The following CREBBP variants were observed in gnomAD, a reference collection of about 807,000 sequenced individuals.
CREBBP encodes the protein CREB-binding protein.
In CREBBP, 19 loss-of-function variants were observed where a neutral mutation model predicts 265.0. The observed-to-expected ratio is 0.07, with a 90% CI of 0.05 to 0.11. CREBBP has a LOEUF of 0.11. Ranked by LOEUF, CREBBP falls within the 10% of genes least tolerant of loss-of-function variation. The probability of loss-of-function intolerance (pLI) is 1.00; values close to 1 mark genes in which losing one functional copy is unlikely to be tolerated. For synonymous variants in CREBBP, 1,457 were observed against 1,223.7 expected, an observed-to-expected ratio of 1.19 and a Z score of -3.98; for missense variants, 2,525 against 3,219.0, an observed-to-expected ratio of 0.78 and a Z score of 5.22.
intron 1 of CREBBP, among the ~76,000 whole-genome samples, chr16:3,870,570 G>T (rs531642061): frequency 1.3e-5 from 2 of 152,158 alleles, no homozygotes; most frequent in South Asian, 4.1e-4. Flanking sequence ...TGAGTCAAAC[G>T]ATTACCCATT....
chr16:3,794,308 G>A (rs1488693538), intron 3 of CREBBP, among the ~76,000 whole-genome samples: 1 of 118,490 alleles, frequency 8.4e-6, no homozygotes, highest in Non-Finnish European at 1.6e-5. Context: ...CTCCAGCCTG[G>A]GCGACAGATC....
chr16:3,758,098 A>G, intron 17 of CREBBP, 50 bp from the exon 18 acceptor site: 2 of 1,603,834 alleles, frequency 1.2e-6, no homozygotes, highest in Non-Finnish European at 1.7e-6. Context: ...CAATATCCAA[A>G]TGCCAGTCTC....
rs1166685672 is a variant in CREBBP at position 3,726,197 on chromosome 16, G to A, written c.*1521C>T. The A allele has an allele frequency of 8.7e-6, 2 of 228,750 alleles. No homozygotes were observed. Among genetic ancestry groups the A allele is most frequent in the African/African-American group, 4.5e-5 (2 of 44,800 alleles). The allele number at this position is 228,750 out of a possible 1,614,324, so 14.2% of individuals were successfully genotyped here. On this transcript the variant is annotated 3_prime_UTR_variant, in exon 31 of 31. Coordinates refer to ENST00000262367, the MANE Select transcript of CREBBP (RefSeq NM_004380.3). ...GGGGGGAAGTCAGAAAGCACCTCGC[G>A]AGCCTGGAGCACTCTCTGCCTCAGA...
intron 2 of CREBBP, among the ~76,000 whole-genome samples, chr16:3,832,823 A>T (rs1026054594): frequency 1.3e-5 from 2 of 152,174 alleles, no homozygotes; most frequent in Non-Finnish European, 2.9e-5. Context: ...AACACTCCAC[A>T]ATCAAGTGGG....
intron 13 of CREBBP, among the ~76,000 whole-genome samples, chr16:3,772,399 G>A (rs942678045): frequency 2.6e-5 from 4 of 151,542 alleles, no homozygotes; most frequent in Admixed American, 2.0e-4. Context: ...TTTCAGTGCA[G>A]TGGTTCTATA....
At chr16:3,868,905 T>G (rs1286790780) in intron 1 of CREBBP, among the ~76,000 whole-genome samples, 1 of 152,028 alleles carries the variant, frequency 6.6e-6, no homozygotes, top group Admixed American at 6.6e-5. Flanking sequence ...AAGAATGAAG[T>G]GGTAGGAGTC....
chr16:3,760,559 C>T (rs547869304), intron 16 of CREBBP, among the ~76,000 whole-genome samples: 108 of 150,674 alleles, frequency 7.2e-4, no homozygotes, highest in African/African-American at 2.4e-3. Flanking sequence ...CCCACCACCA[C>T]GCCCAGCTGA....
chr16:3,816,468 T>C (rs1038496621), intron 2 of CREBBP, among the ~76,000 whole-genome samples: 3 of 152,180 alleles, frequency 2.0e-5, no homozygotes, highest in Admixed American at 2.0e-4. Context: ...GAAATTCCTC[T>C]TTAAGTTCAG....
At chr16:3,755,862 T>G (rs1304523536) in intron 19 of CREBBP, among the ~76,000 whole-genome samples, 1 of 152,148 alleles carries the variant, frequency 6.6e-6, no homozygotes, top group East Asian at 1.9e-4. Context: ...TCCTTCCCCC[T>G]TGCACCAGTG....
intron 20 of CREBBP, among the ~76,000 whole-genome samples, chr16:3,750,142 AGGTACAAACCACCAC>A (rs1279095779): frequency 6.6e-6 from 1 of 152,220 alleles, no homozygotes; most frequent in African/African-American, 2.4e-5. Context: ...CTGGGACTAC[AGGTACAAACCACCAC>A]GCCCTGTTAA....
intron 11 of CREBBP, among the ~76,000 whole-genome samples, chr16:3,777,232 G>C (rs879903731): frequency 4.0e-5 from 6 of 151,594 alleles, no homozygotes; most frequent in Non-Finnish European, 8.8e-5. Context: ...CTACTCAGGA[G>C]GCTGAGGCAG....
chr16:3,856,278 C>G (rs571248581), intron 1 of CREBBP, among the ~76,000 whole-genome samples: 43 of 152,126 alleles, frequency 2.8e-4, no homozygotes, highest in Non-Finnish European at 5.6e-4. Flanking sequence ...TGTGCCCCAC[C>G]ACAAACAGCT....
At chr16:3,826,553 A>C (rs1395133879) in intron 2 of CREBBP, among the ~76,000 whole-genome samples, 2 of 152,122 alleles carry the variant, frequency 1.3e-5, no homozygotes, top group East Asian at 3.9e-4. Context: ...ACGTGGTAAA[A>C]ATGGCCCTTG....
intron 20 of CREBBP, among the ~76,000 whole-genome samples, chr16:3,751,000 A>G (rs926324859): frequency 6.6e-6 from 1 of 152,168 alleles, no homozygotes. Context: ...AGGCAGGAGG[A>G]CTGCTTGAGG....
At chr16:3,789,905 C>T (rs1474340725) in intron 5 of CREBBP, among the ~76,000 whole-genome samples, 1 of 151,854 alleles carries the variant, frequency 6.6e-6, no homozygotes, top group Non-Finnish European at 1.5e-5. Flanking sequence ...ACCACATACG[C>T]TTCTTTTTTC....
Position 3,774,658 on chromosome 16 carries a change from C to T in CREBBP, c.2194G>A (p.Val732Ile), listed in dbSNP as rs775229806. Reference sequence around the variant, plus strand: ...CCCATGGGTGCTTGTGGCAACTGGACGTTCCCCAAGGACATGGGGTTAAAT... The same window carrying T: ...CCCATGGGTGCTTGTGGCAACTGGATGTTCCCCAAGGACATGGGGTTAAAT... The part of the protein sequence containing the change: ...NSFNPMSLGN[V>I]QLPQAPMGPR... Residue 732 changes from valine to isoleucine, a missense_variant, in exon 12 of 31, where the codon GTC (valine) becomes ATC (isoleucine). Val to Ile is a conservative substitution (Grantham distance 29). Around this residue, in one of 19 missense-constraint regions of CREBBP, gnomAD observed 548 missense variants for 533.0 expected, o/e 1.03. Coordinates refer to ENST00000262367, the MANE Select transcript of CREBBP (RefSeq NM_004380.3). 10 of 1,614,152 alleles carry T rather than the reference C, an allele frequency of 6.2e-6. No homozygotes were observed. The highest frequency in any genetic ancestry group is 1.7e-5 in the Admixed American group (1 of 60,022).
Position 3,781,299 on chromosome 16 carries a change from A to G in CREBBP, c.1581T>C (p.Asn527=). The change falls in exon 7 of 31, where the codon AAT becomes AAC. Residue 527 remains asparagine, a synonymous_variant. Coordinates refer to ENST00000262367, the MANE Select transcript of CREBBP (RefSeq NM_004380.3). Reference sequence around the variant, plus strand: ...TTCCTCCTGCTGGAATGTTCATTGGATTATTTCCTTTAAAGACAGAAAAGA... The same window carrying G: ...TTCCTCCTGCTGGAATGTTCATTGGGTTATTTCCTTTAAAGACAGAAAAGA... ...QMRTLNPLGN[N]PMNIPAGGIT... is the part of the protein sequence containing the mutation. 1 of 1,613,324 alleles carries G rather than the reference A, an allele frequency of 6.2e-7. No individual in the cohort carries two copies. The highest frequency in any genetic ancestry group is 8.5e-7 in the Non-Finnish European group (1 of 1,179,416).
At chr16:3,818,303 CTTTTTTTTTTT>C (rs71133660) in intron 2 of CREBBP, among the ~76,000 whole-genome samples, 43 of 106,434 alleles carry the variant, frequency 4.0e-4, no homozygotes, top group Admixed American at 1.6e-3. Flanking sequence ...GTTTTCTTTT[CTTTTTTTTTTT>C]TTTTTTTTTT....
chr16:3,793,729 G>T (rs116970972), intron 3 of CREBBP, 103 bp from the exon 4 acceptor site: 3 of 1,354,194 alleles, frequency 2.2e-6, no homozygotes, highest in South Asian at 2.5e-5. Flanking sequence ...GGATAATACC[G>T]ACCACAGAGA....
Sources: gnomAD v4.1 joint callset for allele counts (sites outside exome capture counted in the v4.1 genomes callset) on GRCh38, gnomAD v4.1.1 for gene constraint, gnomAD v4.1.1 regional missense constraint, MANE v1.5 for transcripts, NCBI Gene and HGNC (gene_info 2026-07-23, HGNC 2026-07-21) for gene names.